KDM5A: variants seen among roughly 807,000 people sequenced by gnomAD.
KDM5A encodes lysine demethylase 5A, also known as lysine-specific demethylase 5A.
KDM5A carries 42 observed loss-of-function variants against 193.5 expected under a neutral mutation model. That is an observed-to-expected ratio of 0.22 (90% CI 0.17 to 0.28). The LOEUF is 0.28. Ranked by LOEUF, KDM5A falls within the 10% of genes least tolerant of loss-of-function variation. The pLI is 1.00. For missense variants in KDM5A, 1,692 were observed against 2,055.1 expected, an observed-to-expected ratio of 0.82 and a Z score of 3.42; for synonymous variants, 796 against 718.1, an observed-to-expected ratio of 1.11 and a Z score of -1.73.
At chr12:335,587 A>T (rs1048335670) in intron 10 of KDM5A, among the ~76,000 whole-genome samples, 54 of 152,186 alleles carry the variant, frequency 3.5e-4, no homozygotes, top group African/African-American at 1.3e-3. Context: ...TACTGTTTAG[A>T]AGTTTCTATA....
chr12:360,061 A>G (rs1944276535), intron 5 of KDM5A, among the ~76,000 whole-genome samples: 1 of 152,084 alleles, frequency 6.6e-6, no homozygotes, highest in Non-Finnish European at 1.5e-5. Flanking sequence ...AGATCACTTC[A>G]GGCCAGTTTG....
At chr12:365,878 TG>T in intron 4 of KDM5A, 55 bp downstream of exon 4, 2 of 1,575,678 alleles carry the variant, frequency 1.3e-6, no homozygotes, top group East Asian at 4.5e-5. Flanking sequence ...GTCTAAAGTT[TG>T]TACTTGGGCA....
chr12:320,983 G>A lies in KDM5A; in HGVS notation c.2541+12C>T. ...AAAGGACATTACCCAAAAAAAGGAT[G>A]TAATACTCCACCTTTACTTGCCGAG... On this transcript the variant is annotated intron_variant, in intron 18 of 27. Transcript: ENST00000399788. 1.9e-6 allele frequency: 3 copies of A among 1,572,812 alleles called. No individual in the cohort carries two copies. Among genetic ancestry groups the A allele is most frequent in the Non-Finnish European group, 2.6e-6 (3 of 1,142,418 alleles).
intron 3 of KDM5A, among the ~76,000 whole-genome samples, chr12:375,420 C>A (rs913839628): frequency 6.6e-6 from 1 of 152,188 alleles, no homozygotes; most frequent in Non-Finnish European, 1.5e-5. Flanking sequence ...TGGTTTTCAG[C>A]TCCATCAGGT....
intron 10 of KDM5A, among the ~76,000 whole-genome samples, chr12:335,625 A>C (rs1943919989): frequency 6.6e-6 from 1 of 152,200 alleles, no homozygotes. Flanking sequence ...AAAACCCTCA[A>C]GGTAAGAAGT....
chr12:293,208 A>G, intron 26 of KDM5A, 39 bp from the exon 27 acceptor site: 1 of 1,559,418 alleles, frequency 6.4e-7, no homozygotes, highest in African/African-American at 1.4e-5. Context: ...TTAAAGCAAG[A>G]CAGTTAAAAA....
chr12:371,749 G>A (rs1211275787), intron 3 of KDM5A, among the ~76,000 whole-genome samples: 1 of 152,170 alleles, frequency 6.6e-6, no homozygotes, highest in Non-Finnish European at 1.5e-5. Context: ...TAACATTTAA[G>A]TCTTTAATCC....
At chr12:296,180 C>T (rs879817537) in intron 25 of KDM5A, among the ~76,000 whole-genome samples, 3 of 151,762 alleles carry the variant, frequency 2.0e-5, no homozygotes, top group Non-Finnish European at 4.4e-5. Context: ...ATTAGCCAAG[C>T]GTGGTGGCGC....
chr12:325,743 G>A (rs950411219), intron 14 of KDM5A, among the ~76,000 whole-genome samples: 1 of 151,250 alleles, frequency 6.6e-6, no homozygotes, highest in Non-Finnish European at 1.5e-5. Context: ...GCCAGGTGTG[G>A]TGGCTCACGC....
At chr12:388,018 G>A (rs971573697) in intron 1 of KDM5A, among the ~76,000 whole-genome samples, 1 of 152,140 alleles carries the variant, frequency 6.6e-6, no homozygotes, top group African/African-American at 2.4e-5. Context: ...TCTGAGACTA[G>A]TTGCTAGAAA....
chr12:312,297 T>C (rs1471674314), intron 20 of KDM5A, among the ~76,000 whole-genome samples: 1 of 152,212 alleles, frequency 6.6e-6, no homozygotes, highest in Non-Finnish European at 1.5e-5. Context: ...TTATACCCTA[T>C]TTTGTACCAT....
At chr12:359,333 A>G (rs1225184823) in intron 5 of KDM5A, among the ~76,000 whole-genome samples, 2 of 152,252 alleles carry the variant, frequency 1.3e-5, no homozygotes, top group Admixed American at 1.3e-4. Flanking sequence ...CATTTCAAAT[A>G]CATAAATGAA....
At chr12:319,451 TTGATTCACTTG>T (rs774086011) in intron 18 of KDM5A, among the ~76,000 whole-genome samples, 27 of 152,174 alleles carry the variant, frequency 1.8e-4, no homozygotes, top group Non-Finnish European at 3.2e-4. Context: ...ATCAAGGAGT[TTGATTCACTTG>T]GTTCATTAAA....
At chr12:365,778 G>A (rs903457505) in intron 4 of KDM5A, among the ~76,000 whole-genome samples, 156 bp downstream of exon 4, 1 of 152,054 alleles carries the variant, frequency 6.6e-6, no homozygotes, top group Non-Finnish European at 1.5e-5. Flanking sequence ...TCTTTATCTT[G>A]TAAACCATCA....
At chr12:364,165 T>C (rs980022925) in intron 4 of KDM5A, among the ~76,000 whole-genome samples, 2 of 152,166 alleles carry the variant, frequency 1.3e-5, no homozygotes, top group African/African-American at 4.8e-5. Flanking sequence ...GGAAAACAAC[T>C]TGGCAGTCCT....
In KDM5A at chr12:297,048, A is replaced by G; in HGVS notation, c.4227T>C (p.Cys1409=). The change falls in exon 25 of 28, where the codon TGT becomes TGC. Residue 1409 remains cysteine (C), a synonymous_variant. Transcript: ENST00000399788. ...TTTTTAAAGGAGTAATACCTTGAGA[A>G]CAACTCTTAGAAGCAGAAGAATAAG... ...EHAYSSASKS[C]SQGSSTPRKQ... 6.2e-7 allele frequency: 1 copy of G among 1,613,902 alleles called. No homozygotes were observed. The highest frequency in any genetic ancestry group is 8.5e-7 in the Non-Finnish European group (1 of 1,179,964).
At chr12:323,451 C>A (rs565699093) in intron 15 of KDM5A, 149 bp downstream of exon 15, 7 of 926,232 alleles carry the variant, frequency 7.6e-6, no homozygotes, top group Non-Finnish European at 1.2e-5. Flanking sequence ...TTAGGGCCAA[C>A]TTTAAGGGAC....
At chr12:384,229 C>G (rs1944612394) in intron 2 of KDM5A, 76 bp from the exon 3 acceptor site, 1 of 1,091,308 alleles carries the variant, frequency 9.2e-7, no homozygotes, top group Non-Finnish European at 1.4e-6. Flanking sequence ...GTCCCCAAAC[C>G]CCAGGATGTG....
At chr12:314,565 T>C (rs905299806) in intron 19 of KDM5A, among the ~76,000 whole-genome samples, 1 of 152,158 alleles carries the variant, frequency 6.6e-6, no homozygotes, top group African/African-American at 2.4e-5. Context: ...AGTGTAATGA[T>C]AAATGAAAGT....
Sources: allele counts gnomAD v4.1 joint callset (sites outside exome capture counted in the v4.1 genomes callset), GRCh38; gene constraint gnomAD v4.1.1; transcripts MANE v1.5; gene names NCBI Gene and HGNC (gene_info 2026-07-23, HGNC 2026-07-21).